CACNB2: variants seen among roughly 807,000 people sequenced by gnomAD.
CACNB2 encodes the protein calcium voltage-gated channel auxiliary subunit beta 2, also known as voltage-dependent L-type calcium channel subunit beta-2.
In CACNB2, 42 loss-of-function variants were observed where a neutral mutation model predicts 73.3. The observed-to-expected ratio is 0.57, with a 90% CI of 0.45 to 0.74. CACNB2 has a LOEUF of 0.74. Ranked by LOEUF, CACNB2 falls within the 30% of genes least tolerant of loss-of-function variation. CACNB2 has a pLI of 0.00. For missense variants in CACNB2, 940 were observed against 853.0 expected (o/e 1.10, Z -1.27); for synonymous variants, 348 against 310.3 (o/e 1.12, Z -1.28).
chr10:18,444,633 A>T (rs7091299), intron 3 of CACNB2, among the ~76,000 whole-genome samples: 73,597 of 151,872 alleles, frequency 0.48, 18,818 homozygotes, highest in Middle Eastern at 0.58. Flanking sequence ...CGTATTTAGT[A>T]CTAGAGGTGT....
intron 2 of CACNB2, among the ~76,000 whole-genome samples, chr10:18,351,908 G>T (rs774003903): frequency 3.3e-5 from 5 of 152,190 alleles, no homozygotes; most frequent in Non-Finnish European, 5.9e-5. Context: ...CAAAGGAAGA[G>T]AGTGATGACA....
chr10:18,350,875 A>G (rs2041677252), intron 2 of CACNB2, among the ~76,000 whole-genome samples: 1 of 152,178 alleles, frequency 6.6e-6, no homozygotes. Flanking sequence ...TGGCACAATC[A>G]TAGTTCACTG....
At chr10:18,352,214 C>G (rs973829142) in intron 2 of CACNB2, among the ~76,000 whole-genome samples, 1 of 152,176 alleles carries the variant, frequency 6.6e-6, no homozygotes, top group East Asian at 1.9e-4. Flanking sequence ...ATCCTGTTAC[C>G]TTTCTGATCG....
intron 2 of CACNB2, among the ~76,000 whole-genome samples, chr10:18,158,643 T>C (rs1399166418): frequency 1.3e-5 from 2 of 152,214 alleles, no homozygotes; most frequent in Admixed American, 1.3e-4. Flanking sequence ...GAATTAGTTT[T>C]TCATATCACT....
intron 3 of CACNB2, among the ~76,000 whole-genome samples, chr10:18,481,232 T>TATATATATA (rs2048751915): frequency 5.3e-5 from 1 of 18,932 alleles, no homozygotes. Context: ...ATATATATAT[T>TATATATATA]TTTTTTTTTT....
At chr10:18,245,043 C>G (rs2036807121) in intron 2 of CACNB2, among the ~76,000 whole-genome samples, 1 of 151,040 alleles carries the variant, frequency 6.6e-6, no homozygotes, top group Non-Finnish European at 1.5e-5. Flanking sequence ...GGCAAGAAAA[C>G]AAACTCTTCC....
chr10:18,530,513 C>CA (rs5783609), intron 10 of CACNB2, among the ~76,000 whole-genome samples: 44,180 of 129,008 alleles, frequency 0.34, 7,477 homozygotes, highest in East Asian at 0.67. Context: ...TACAAAAATG[C>CA]AAAAAAAAAA....
At chr10:18,503,544 C>A (rs1485152302) in intron 5 of CACNB2, among the ~76,000 whole-genome samples, 1 of 152,030 alleles carries the variant, frequency 6.6e-6, no homozygotes, top group Non-Finnish European at 1.5e-5. Context: ...TGCAGTGAGC[C>A]GAGATCATGT....
rs769211879 is a variant in CACNB2 at position 18,150,879 on chromosome 10, T to TTTTTTTTTTTTTTTTTTG, written c.121-3_121-2insTTTTTTTTTTTTTTTTGT. On this transcript the variant is annotated splice_polypyrimidine_tract_variant and splice_region_variant and intron_variant, in intron 1 of 13. Coordinates refer to ENST00000324631, the MANE Select transcript of CACNB2 (RefSeq NM_201596.3). ...TCTTTTTTTTTTTTTTTTTTTTTTT[T>TTTTTTTTTTTTTTTTTTG]TAGTCATATGGAAAAGGAGCCAGAA... The TTTTTTTTTTTTTTTTTTG allele has an allele frequency of 9.8e-5, 123 of 1,259,824 alleles. 12 individuals are homozygous for TTTTTTTTTTTTTTTTTTG. The highest frequency in any genetic ancestry group is 4.4e-4 in the African/African-American group (26 of 59,532). The allele number at this position is 1,259,824 out of a possible 1,614,324, so 78.0% of individuals were successfully genotyped here.
chr10:18,353,583 G>T (rs1296308248), intron 2 of CACNB2, among the ~76,000 whole-genome samples: 1 of 152,070 alleles, frequency 6.6e-6, no homozygotes, highest in Non-Finnish European at 1.5e-5. Context: ...TTCAGTATAA[G>T]GTACACATCA....
chr10:18,356,463 C>A (rs904718981), intron 2 of CACNB2, among the ~76,000 whole-genome samples: 2 of 152,110 alleles, frequency 1.3e-5, no homozygotes. Context: ...TTCCTCCCTG[C>A]CCTTTACTTT....
rs1169176468 is a variant in CACNB2 at position 18,220,232 on chromosome 10, T to TAGAGAGAGAGAG, written c.213+69289_213+69300dup. Among the ~76,000 whole-genome samples, 40 of 25,092 alleles carry TAGAGAGAGAGAG rather than the reference T, an allele frequency of 1.6e-3. 1 individual carries two copies. Among genetic ancestry groups the TAGAGAGAGAGAG allele is most frequent in the Non-Finnish European group, 1.9e-3 (31 of 16,194 alleles). The allele number at this position is 25,092 out of a possible 152,430, so 16.5% of individuals were successfully genotyped here. Reference sequence around the variant, plus strand: ...ATATATATATATATATATATATATATAGAGAGAGAGAGAGAGAGAGAGAGA... The same window carrying TAGAGAGAGAGAG: ...ATATATATATATATATATATATATATAGAGAGAGAGAGAGAGAGAGAGAGAGAGAGAGAGAGA... On this transcript the variant is annotated intron_variant, in intron 2 of 13. Coordinates refer to ENST00000324631, the MANE Select transcript of CACNB2 (RefSeq NM_201596.3).
intron 2 of CACNB2, among the ~76,000 whole-genome samples, chr10:18,272,585 C>T (rs886755562): frequency 1.7e-4 from 26 of 152,096 alleles, no homozygotes; most frequent in African/African-American, 2.7e-4. Context: ...GGGAAGGACC[C>T]GGTGAGAGGT....
At chr10:18,181,562 T>TTTTATTTTATTTTATTTTATTTTATTTTA in intron 2 of CACNB2, among the ~76,000 whole-genome samples, 1 of 113,568 alleles carries the variant, frequency 8.8e-6, no homozygotes, top group East Asian at 2.6e-4. Flanking sequence ...GAGGATAACT[T>TTTTATTTTATTTTATTTTATTTTATTTTA]TTTTATTTTA....
intron 2 of CACNB2, among the ~76,000 whole-genome samples, chr10:18,218,763 G>A (rs897205453): frequency 6.6e-6 from 1 of 152,102 alleles, no homozygotes; most frequent in African/African-American, 2.4e-5. Flanking sequence ...CAGCTACTTG[G>A]GAGGCTGAGG....
intron 2 of CACNB2, among the ~76,000 whole-genome samples, chr10:18,239,308 C>T (rs1393974871): frequency 2.0e-5 from 3 of 152,090 alleles, no homozygotes; most frequent in African/African-American, 7.2e-5. Flanking sequence ...CATCCCTAAC[C>T]TCCCTCCCAC....
At chr10:18,328,234 G>A (rs1202797860) in intron 2 of CACNB2, among the ~76,000 whole-genome samples, 2 of 152,116 alleles carry the variant, frequency 1.3e-5, no homozygotes, top group African/African-American at 4.8e-5. Context: ...TTGCTACCTT[G>A]GCCACACATT....
intron 2 of CACNB2, among the ~76,000 whole-genome samples, chr10:18,324,443 G>T (rs927507040): frequency 6.6e-6 from 1 of 152,210 alleles, no homozygotes; most frequent in African/African-American, 2.4e-5. Context: ...AGAATGAATG[G>T]ATGATATTGG....
chr10:18,308,494 T>C (rs951384733), intron 2 of CACNB2, among the ~76,000 whole-genome samples: 6 of 152,198 alleles, frequency 3.9e-5, no homozygotes. Flanking sequence ...CTGGTGTCTG[T>C]GTTCCCATTG....
Sources: allele counts gnomAD v4.1 joint callset (sites outside exome capture counted in the v4.1 genomes callset), GRCh38; gene constraint gnomAD v4.1.1; transcripts MANE v1.5; gene names NCBI Gene and HGNC (gene_info 2026-07-23, HGNC 2026-07-21).